RYR1: variants seen among roughly 807,000 people sequenced by gnomAD.
RYR1 encodes the protein central core disease of muscle.
In RYR1, 342 loss-of-function variants were observed where a neutral mutation model predicts 583.5. The ratio of observed to expected loss-of-function variants is 0.59; its 90% CI spans 0.54 to 0.64. The LOEUF (loss-of-function observed/expected upper bound fraction) is 0.64. RYR1 is among the 30% of genes least tolerant of loss of function. The pLI is 0.00. For synonymous variants in RYR1, 2,791 were observed against 2,822.5 expected (o/e 0.99, Z 0.35); for missense variants, 6,032 against 6,917.2 (o/e 0.87, Z 4.54).
intron 76 of RYR1, among the ~76,000 whole-genome samples, chr19:38,530,564 C>CCAGCCTTCT (rs1971688081): frequency 6.6e-6 from 1 of 152,000 alleles, no homozygotes; most frequent in African/African-American, 2.4e-5. Flanking sequence ...GCCACCGCGC[C>CCAGCCTTCT]TGTCAGGGAT....
chr19:38,440,992 C>A, intron 2 of RYR1, 128 bp downstream of exon 2: 5 of 744,820 alleles, frequency 6.7e-6, no homozygotes, highest in Non-Finnish European at 9.1e-6. Flanking sequence ...AGGAGGGGGG[C>A]TAAGGCTAAG....
intron 29 of RYR1, among the ~76,000 whole-genome samples, chr19:38,476,057 C>G (rs1968707350): frequency 1.3e-5 from 2 of 151,876 alleles, no homozygotes; most frequent in Admixed American, 1.3e-4. Context: ...GAGTCTTGCT[C>G]TGTTGCCCAG....
At chr19:38,574,478 C>A (rs116012071) in intron 96 of RYR1, among the ~76,000 whole-genome samples, 2,069 of 151,736 alleles carry the variant, frequency 0.014, 39 homozygotes, top group African/African-American at 0.048. Context: ...AAAAAGTTAG[C>A]CAGACATGCT....
rs771719180 is a variant in RYR1 at position 38,580,516 on chromosome 19, C to G, written c.14646+12C>G. The G allele has an allele frequency of 5.0e-6, 8 of 1,613,988 alleles. No individual in the cohort carries two copies. Among genetic ancestry groups the G allele is most frequent in the South Asian group, 1.1e-5 (1 of 91,066 alleles). On this transcript the variant is annotated intron_variant, in intron 101 of 105. Coordinates refer to ENST00000359596, the MANE Select transcript of RYR1 (RefSeq NM_000540.3). ...ATGACATGATGACGGTGAGCCCCTC[C>G]CCTAGCACTCTGGGACCCTTCCTTC...
rs1203148513 is a variant in RYR1 at position 38,512,627 on chromosome 19, G to A, written c.9472+144G>A. The A allele has an allele frequency of 1.2e-6, 1 of 812,158 alleles. No individual in the cohort carries two copies. The highest frequency in any genetic ancestry group is 2.5e-5 in the East Asian group (1 of 40,266). The allele number at this position is 812,158 out of a possible 1,614,324, so 50.3% of individuals were successfully genotyped here. A position where few individuals can be genotyped will look rare whatever the true frequency, so the allele number is the denominator to read the frequency against. ...GCATGCAGTCAGTACCTTGGCAGGTGGCAAATGAGTTAATGAGGACGCGAG... is the reference window on the plus strand; with the variant it reads ...GCATGCAGTCAGTACCTTGGCAGGTAGCAAATGAGTTAATGAGGACGCGAG... On this transcript the variant is annotated intron_variant, in intron 63 of 105. Coordinates refer to ENST00000359596, the MANE Select transcript of RYR1 (RefSeq NM_000540.3). This position sits in a 1 kb window ranked among gnomAD's most constrained non-coding sequence, Gnocchi z 5.1.
intron 102 of RYR1, 32 bp from the exon 103 acceptor site, chr19:38,585,906 G>T (rs958495474): frequency 1.2e-5 from 20 of 1,613,888 alleles, no homozygotes; most frequent in Non-Finnish European, 1.6e-5. Flanking sequence ...CAGGTCAGAG[G>T]TCGGGCACTG....
Position 38,494,557 on chromosome 19 carries a change from C to T in RYR1, c.6480C>T (p.Gly2160=). The T allele has an allele frequency of 1.2e-6, 2 of 1,614,110 alleles. No individual in the cohort carries two copies. Among genetic ancestry groups the T allele is most frequent in the African/African-American group, 1.3e-5 (1 of 75,066 alleles). ...EDTMSLLECL[G]QIRSLLIVQM... ...CCATGAGCCTGCTCGAGTGCCTCGG[C>T]CAGATCCGCTCGCTGCTCATCGTGC... Residue 2160 remains glycine (G), a synonymous_variant, in exon 39 of 106, where the codon GGC becomes GGT. Coordinates refer to ENST00000359596, the MANE Select transcript of RYR1 (RefSeq NM_000540.3).
In RYR1 at chr19:38,483,541, G is replaced by T. The variant is rs78881293; in HGVS notation, c.4934+25G>T. ...GGTCAGGGCCAGCCCAGCTATGCAG[G>T]GGTGGGCAGGTGTTGCAAGCCCTCT... On this transcript the variant is annotated intron_variant, in intron 33 of 105. Transcript: ENST00000359596. The surrounding 1 kb of genome is among the most constrained non-coding windows in gnomAD (Gnocchi z 6.3). 3,787 of 1,533,226 alleles carry T rather than the reference G, an allele frequency of 2.5e-3. 77 individuals are homozygous for T. In the East Asian group the frequency reaches 0.035, roughly 14 times the overall value. 95.0% of individuals were successfully genotyped at this position (1,533,226 alleles called of 1,614,324 possible). A position where few individuals can be genotyped will look rare whatever the true frequency, so the allele number is the denominator to read the frequency against.
At chr19:38,446,634 G>T in intron 8 of RYR1, 60 bp from the exon 9 acceptor site, 1 of 1,597,376 alleles carries the variant, frequency 6.3e-7, no homozygotes, top group South Asian at 1.1e-5. Flanking sequence ...CTATGAGTAG[G>T]ATTAGGGACC....
Position 38,512,408 on chromosome 19 carries a change from A to C in RYR1, c.9397A>C (p.Thr3133Pro), listed in dbSNP as rs993519544. Residue 3133 changes from threonine to proline, a missense_variant, in exon 63 of 106, where the codon ACT (threonine) becomes CCT (proline). Physicochemically the swap from Thr to Pro is conservative, Grantham distance 38. This residue lies in a region of RYR1 where 1,493 missense variants were observed against 1,715.5 expected (regional missense o/e 0.87). Coordinates refer to ENST00000359596, the MANE Select transcript of RYR1 (RefSeq NM_000540.3). This position sits in a 1 kb window ranked among gnomAD's most constrained non-coding sequence, Gnocchi z 5.1. ...KGVGQNLTYT[T>P]VALLPVLTTL... ...CGTGGGCCAGAACCTCACCTACACC[A>C]CTGTGGCACTGCTGCCGGTCCTCAC... The C allele has an allele frequency of 4.3e-6, 7 of 1,613,702 alleles. No individual in the cohort carries two copies. Among genetic ancestry groups the C allele is most frequent in the Non-Finnish European group, 5.9e-6 (7 of 1,180,018 alleles).
chr19:38,528,571 C>T, intron 74 of RYR1, 28 bp from the exon 75 acceptor site: 1 of 1,612,412 alleles, frequency 6.2e-7, no homozygotes, highest in Non-Finnish European at 8.5e-7. Context: ...AGGGCGCGTC[C>T]CAGTGACGTC....
Position 38,517,551 on chromosome 19 carries a change from C to T in RYR1, c.9878C>T (p.Pro3293Leu). Residue 3293 changes from proline to leucine, a missense_variant, in exon 66 of 106, where the codon CCT becomes CTT. Coordinates refer to ENST00000359596, the MANE Select transcript of RYR1 (RefSeq NM_000540.3). ...TGGGAGCGCGGGCCCGAGGCACCCC[C>T]TTCCGCCCTGCCCGCCGGCGCCCCC... ...RWWERGPEAP[P>L]SALPAGAPPP... 6.2e-7 allele frequency: 1 copy of T among 1,613,912 alleles called. No homozygotes were observed. The highest frequency in any genetic ancestry group is 8.5e-7 in the Non-Finnish European group (1 of 1,179,872).
intron 47 of RYR1, among the ~76,000 whole-genome samples, chr19:38,501,987 G>GAA (rs58447433): frequency 1.0e-3 from 148 of 146,380 alleles, no homozygotes; most frequent in Middle Eastern, 3.6e-3. Context: ...CCTTATCTCA[G>GAA]AAAAAAAAAA....
At position 38,455,560 on chromosome 19, in the gene RYR1, G is replaced by A. The variant is rs1040355829; in HGVS notation, c.1672+14G>A. 1.2e-6 allele frequency: 2 copies of A among 1,613,694 alleles called. No homozygotes were observed. The highest frequency in any genetic ancestry group is 1.7e-6 in the Non-Finnish European group (2 of 1,179,802). ...AGGCCTCGTCTGGTAGGAGAACCCG[G>A]GGGAGTGGGACAGAGGCTTGTGGGA... On this transcript the variant is annotated intron_variant, in intron 15 of 105. Transcript: ENST00000359596.
At chr19:38,519,160 T>G in intron 66 of RYR1, 54 bp from the exon 67 acceptor site, 2 of 1,613,408 alleles carry the variant, frequency 1.2e-6, no homozygotes, top group Admixed American at 3.3e-5. Context: ...GAACGGAGTT[T>G]GGGGCCTGTG....
At chr19:38,435,684 C>T (rs532161470) in intron 1 of RYR1, among the ~76,000 whole-genome samples, 5 of 152,034 alleles carry the variant, frequency 3.3e-5, no homozygotes, top group East Asian at 3.9e-4. Context: ...TGCAGTGAGC[C>T]GAGATTGCGC....
intron 22 of RYR1, among the ~76,000 whole-genome samples, chr19:38,464,092 C>T (rs548595030): frequency 7.2e-5 from 11 of 151,806 alleles, no homozygotes; most frequent in Non-Finnish European, 1.6e-4. Flanking sequence ...GTCTGGCCAA[C>T]ATGGCAAAAC....
chr19:38,454,306 C>T (rs1430606375), intron 13 of RYR1, among the ~76,000 whole-genome samples: 1 of 152,256 alleles, frequency 6.6e-6, no homozygotes, highest in African/African-American at 2.4e-5. Flanking sequence ...TCCCAAAGAG[C>T]TGGGATTACA....
intron 21 of RYR1, 43 bp downstream of exon 21, chr19:38,463,570 C>T (rs776999040): frequency 4.0e-5 from 63 of 1,583,140 alleles, no homozygotes; most frequent in South Asian, 1.1e-4. Context: ...GCTAGACTTG[C>T]GGTGCCAGGA....
Sources: gnomAD v4.1 joint callset for allele counts (sites outside exome capture counted in the v4.1 genomes callset) on GRCh38, gnomAD v4.1.1 for gene constraint, gnomAD v4.1.1 regional missense constraint, Gnocchi (gnomAD v3.1) non-coding constraint, MANE v1.5 for transcripts, NCBI Gene and HGNC (gene_info 2026-07-23, HGNC 2026-07-21) for gene names.